Variants in DNAH8 observed in about 807,000 individuals in gnomAD.
The protein encoded by DNAH8 is dynein axonemal heavy chain 8, also known as axonemal beta dynein heavy chain 8.
DNAH8 carries 382 observed loss-of-function variants against 562.1 expected under a neutral mutation model. The ratio of observed to expected loss-of-function variants is 0.68; its 90% CI spans 0.63 to 0.74. The LOEUF (loss-of-function observed/expected upper bound fraction) is 0.74, where lower values mean the gene tolerates loss of function less well. Among genes scored for constraint, DNAH8 ranks in the 30% least tolerant of loss-of-function variants. DNAH8 has a pLI of 0.00. For synonymous variants in DNAH8, 1,881 were observed against 1,919.4 expected, an observed-to-expected ratio of 0.98 and a Z score of 0.52; for missense variants, 5,203 against 5,620.4, an observed-to-expected ratio of 0.93 and a Z score of 2.37.
At position 38,898,304 on chromosome 6, in the gene DNAH8, G is replaced by A; in HGVS notation, c.8987G>A (p.Arg2996Lys). 1 of 1,591,192 alleles carries A rather than the reference G, an allele frequency of 6.3e-7. No individual in the cohort carries two copies. The highest frequency in any genetic ancestry group is 8.5e-7 in the Non-Finnish European group (1 of 1,172,716). Residue 2996 changes from arginine (R) to lysine (K), a missense_variant, in exon 61 of 93, where the codon AGA (arginine) becomes AAA (lysine). By Grantham distance (26) the Arg-to-Lys change is conservative. Coordinates refer to ENST00000327475, the MANE Select transcript of DNAH8 (RefSeq NM_001206927.2). ...FLAEKLQFYQ[R>K]QFNEIIRGTS... is the part of the protein sequence containing the mutation. ...GCTGAAAAACTCCAGTTTTACCAGA[G>A]ACAGTTCAATGAAATCATTAGAGGA...
chr6:38,904,792 CAAA>C (rs759782655), intron 62 of DNAH8, among the ~76,000 whole-genome samples: 1 of 86,398 alleles, frequency 1.2e-5, no homozygotes, highest in Non-Finnish European at 2.2e-5. Context: ...AACTCCGTCT[CAAA>C]AAAAAAAAAA....
intron 88 of DNAH8, among the ~76,000 whole-genome samples, chr6:38,990,888 C>A (rs1399442796): frequency 1.3e-5 from 2 of 152,190 alleles, no homozygotes; most frequent in African/African-American, 4.8e-5. Context: ...TTGGAATGGA[C>A]CGCATGTCCT....
At chr6:38,920,667 A>G (rs1225710992) in intron 70 of DNAH8, among the ~76,000 whole-genome samples, 1 of 152,194 alleles carries the variant, frequency 6.6e-6, no homozygotes, top group Non-Finnish European at 1.5e-5. Context: ...AAAAAGGTTA[A>G]TTATGATACA....
chr6:38,776,823 C>A (rs1263481666), intron 13 of DNAH8, among the ~76,000 whole-genome samples: 1 of 152,158 alleles, frequency 6.6e-6, no homozygotes, highest in Non-Finnish European at 1.5e-5. Context: ...GGCTATATGA[C>A]CTCAGTTACT....
intron 21 of DNAH8, among the ~76,000 whole-genome samples, chr6:38,798,082 A>G (rs1376860539): frequency 6.6e-6 from 1 of 152,160 alleles, no homozygotes; most frequent in Non-Finnish European, 1.5e-5. Context: ...TCAAAAAAAA[A>G]AAAAAATCAA....
At chr6:38,780,648 C>T (rs1314052966) in intron 15 of DNAH8, among the ~76,000 whole-genome samples, 1 of 152,090 alleles carries the variant, frequency 6.6e-6, no homozygotes, top group Non-Finnish European at 1.5e-5. Flanking sequence ...ATTGAGTACA[C>T]ATGGACACAA....
Position 38,973,664 on chromosome 6 carries a change from G to A in DNAH8, c.12529G>A (p.Gly4177Ser). 6.3e-7 allele frequency: 1 copy of A among 1,590,894 alleles called. No individual in the cohort carries two copies. The highest frequency in any genetic ancestry group is 2.3e-5 in the East Asian group (1 of 43,778). Residue 4177 changes from glycine (G) to serine (S), a missense_variant, in exon 84 of 93, where the codon GGT becomes AGT. Transcript: ENST00000327475. Reference protein sequence around the residue: ...KLIQMSMQQGGWVLLQNCHLG... With the variant: ...KLIQMSMQQGSWVLLQNCHLG... ...ATGAACTTATTTTTGGATACAGGGTGGTTGGGTATTACTACAAAATTGCCA... is the reference window on the plus strand; with the variant it reads ...ATGAACTTATTTTTGGATACAGGGTAGTTGGGTATTACTACAAAATTGCCA...
At chr6:38,939,087 T>C (rs1783222905) in intron 79 of DNAH8, 99 bp downstream of exon 79, 4 of 926,668 alleles carry the variant, frequency 4.3e-6, no homozygotes, top group African/African-American at 1.7e-5. Flanking sequence ...AGTAGGGAAA[T>C]GATGTTCTAA....
chr6:38,981,395 G>T (rs1367538211), intron 85 of DNAH8, among the ~76,000 whole-genome samples: 3 of 152,084 alleles, frequency 2.0e-5, no homozygotes, highest in Non-Finnish European at 4.4e-5. Flanking sequence ...TGAATCATTT[G>T]CTCTGAGTCC....
At chr6:38,914,024 A>G (rs1781105486) in intron 67 of DNAH8, 72 bp downstream of exon 67, 2 of 1,145,758 alleles carry the variant, frequency 1.7e-6, no homozygotes, top group East Asian at 2.6e-5. Context: ...TTAAAATGGT[A>G]CTAAAGAACA....
intron 31 of DNAH8, among the ~76,000 whole-genome samples, chr6:38,833,156 G>A (rs965661555): frequency 6.6e-6 from 1 of 152,052 alleles, no homozygotes; most frequent in Middle Eastern, 3.4e-3. Flanking sequence ...GACTGAATAT[G>A]TTCCCCTGAA....
At chr6:38,980,535 T>C (rs1763964177) in intron 85 of DNAH8, among the ~76,000 whole-genome samples, 1 of 152,146 alleles carries the variant, frequency 6.6e-6, no homozygotes, top group African/African-American at 2.4e-5. Context: ...GTTTTCTTAG[T>C]CTAAGCCCCA....
chr6:38,864,672 C>T (rs1015024183), intron 45 of DNAH8, among the ~76,000 whole-genome samples: 3 of 151,574 alleles, frequency 2.0e-5, no homozygotes, highest in African/African-American at 7.3e-5. Flanking sequence ...GCAAGTTTCA[C>T]GACCTAACTT....
intron 88 of DNAH8, among the ~76,000 whole-genome samples, chr6:38,997,951 T>A (rs560127934): frequency 5.3e-5 from 8 of 152,208 alleles, no homozygotes; most frequent in African/African-American, 1.7e-4. Flanking sequence ...AGAGACAGGG[T>A]TTCACCATGT....
intron 1 of DNAH8, among the ~76,000 whole-genome samples, chr6:38,722,001 T>C (rs1287135597): frequency 1.3e-5 from 2 of 152,274 alleles, no homozygotes; most frequent in African/African-American, 4.8e-5. Context: ...GGCATCATTA[T>C]TGTCCTACAA....
intron 52 of DNAH8, among the ~76,000 whole-genome samples, chr6:38,874,035 T>TTCTTC (rs1415809994): frequency 9.3e-4 from 49 of 52,948 alleles, no homozygotes; most frequent in African/African-American, 3.3e-3. Flanking sequence ...CCTTTTTCTT[T>TTCTTC]TCTTTTCTTT....
chr6:38,863,276 A>G (rs1179066920), intron 44 of DNAH8, among the ~76,000 whole-genome samples: 1 of 151,958 alleles, frequency 6.6e-6, no homozygotes, highest in Non-Finnish European at 1.5e-5. Context: ...CTAAAAATAC[A>G]AAAATTAGCT....
At chr6:38,970,292 G>A (rs1402011865) in intron 82 of DNAH8, among the ~76,000 whole-genome samples, 2 of 152,186 alleles carry the variant, frequency 1.3e-5, no homozygotes, top group Non-Finnish European at 2.9e-5. Context: ...CCACGATCCA[G>A]AGGCTCCTCC....
rs190192678 is a variant in DNAH8 at position 38,730,032 on chromosome 6, G to A, written c.610+46G>A. On this transcript the variant is annotated intron_variant, in intron 4 of 92. Transcript: ENST00000327475. ...GTGTGCCAGTAATTAGTTCATGCAC[G>A]TTAAAGTGCAGCATATTTTTTCTCT... is the stretch of plus-strand genomic sequence containing the variant. 4.6e-4 allele frequency: 389 copies of A among 851,304 alleles called. 1 individual carries two copies. Among genetic ancestry groups the A allele is most frequent in the Non-Finnish European group, 7.1e-4 (365 of 517,312 alleles). The allele number at this position is 851,304 out of a possible 1,614,324, so 52.7% of individuals were successfully genotyped here.
Sources: allele counts gnomAD v4.1 joint callset (sites outside exome capture counted in the v4.1 genomes callset), GRCh38; gene constraint gnomAD v4.1.1; transcripts MANE v1.5; gene names NCBI Gene and HGNC (gene_info 2026-07-23, HGNC 2026-07-21).